DPH6: variants seen among roughly 807,000 people sequenced by gnomAD.
DPH6 encodes the protein diphthine--ammonia ligase.
In DPH6, 33 loss-of-function variants were observed where a neutral mutation model predicts 38.2. The observed-to-expected ratio is 0.86, with a 90% confidence interval of 0.65 to 1.15. The LOEUF (loss-of-function observed/expected upper bound fraction) is 1.15, where lower values mean the gene tolerates loss of function less well. DPH6 is among the 50% of genes most tolerant of loss of function. The pLI is 0.00. For missense variants in DPH6, 325 were observed against 320.0 expected (o/e 1.02, Z -0.12); for synonymous variants, 108 against 103.0 (o/e 1.05, Z -0.30).
intron 3 of DPH6, among the ~76,000 whole-genome samples, chr15:35,497,429 T>C (rs893573663): frequency 1.3e-5 from 2 of 152,212 alleles, no homozygotes; most frequent in Admixed American, 1.3e-4. Flanking sequence ...ACAGCAGAGT[T>C]AGAATTGGCT....
At chr15:35,516,828 G>A (rs2054854027) in intron 3 of DPH6, among the ~76,000 whole-genome samples, 1 of 152,050 alleles carries the variant, frequency 6.6e-6, no homozygotes, top group African/African-American at 2.4e-5. Context: ...TATACTCCTA[G>A]GAGGTGTCTG....
intron 3 of DPH6, among the ~76,000 whole-genome samples, chr15:35,304,922 C>T (rs962271115): frequency 2.6e-5 from 4 of 152,020 alleles, no homozygotes; most frequent in African/African-American, 7.2e-5. Context: ...TGTAATTCTG[C>T]TTATTTTATG....
chr15:35,169,623 A>G, the DPH6 span: 2 of 152,152 alleles, frequency 1.3e-5, no homozygotes, highest in Admixed American at 6.6e-5. Context: ...ACGATCCTCT[A>G]CCTTACTATC....
chr15:35,195,015 TTCTA>T, the DPH6 span, among the ~76,000 whole-genome samples: 19 of 152,334 alleles, frequency 1.2e-4, no homozygotes, highest in African/African-American at 3.4e-4. Flanking sequence ...CCAGGTTTCA[TTCTA>T]TCTAAGTGTT....
At chr15:35,237,086 C>T in intron 3 of DPH6, 1 of 527,526 alleles carries the variant, frequency 1.9e-6, no homozygotes, top group Non-Finnish European at 3.4e-6. Context: ...CATTGTTTTG[C>T]TTAGGTATTG....
At chr15:35,355,599 T>C (rs548770487) in intron 3 of DPH6, among the ~76,000 whole-genome samples, 52 of 152,362 alleles carry the variant, frequency 3.4e-4, no homozygotes, top group African/African-American at 1.3e-3. Flanking sequence ...TCTTTAAGAA[T>C]GTTGAATATT....
At chr15:35,233,137 G>A (rs544665542) in intron 3 of DPH6, among the ~76,000 whole-genome samples, 2 of 152,106 alleles carry the variant, frequency 1.3e-5, no homozygotes, top group East Asian at 1.9e-4. Context: ...GTGAAACCCC[G>A]TCTCTACTAA....
At chr15:35,364,632 C>T (rs2052641684) in intron 3 of DPH6, among the ~76,000 whole-genome samples, 1 of 152,014 alleles carries the variant, frequency 6.6e-6, no homozygotes, top group African/African-American at 2.4e-5. Context: ...CTACTGTCTT[C>T]AATATTTCCA....
At chr15:35,178,229 T>C in the DPH6 span, among the ~76,000 whole-genome samples, 1 of 152,234 alleles carries the variant, frequency 6.6e-6, no homozygotes, top group East Asian at 1.9e-4. Context: ...GGGTTTCATA[T>C]ACTGTATTAG....
At position 35,436,509 on chromosome 15, in the gene DPH6, C is replaced by CAAAAAA. The variant is rs1491101707; in HGVS notation, c.505+14175_505+14176insTTTTTT. 1.1e-4 allele frequency among the ~76,000 whole-genome samples: 12 copies of CAAAAAA among 107,566 alleles called. 1 individual carries two copies. Among genetic ancestry groups the CAAAAAA allele is most frequent in the South Asian group, 3.3e-4 (1 of 2,996 alleles). 70.6% of individuals were successfully genotyped at this position (107,566 alleles called of 152,430 possible). On this transcript the variant is annotated intron_variant, in intron 5 of 8. Transcript: ENST00000256538. The stretch of plus-strand genomic sequence containing the variant: ...CAAAACAAAACAAAACAAAACAAAA[C>CAAAAAA]AAAACAAAAAAGGTTCTCTCCCTGT...
intron 3 of DPH6, among the ~76,000 whole-genome samples, chr15:35,291,489 C>T (rs981298082): frequency 2.6e-5 from 4 of 152,250 alleles, no homozygotes; most frequent in East Asian, 3.9e-4. Flanking sequence ...CAAAACTCCA[C>T]AGCATCACAC....
chr15:35,481,973 A>T (rs1171291120), intron 3 of DPH6, among the ~76,000 whole-genome samples: 1 of 152,334 alleles, frequency 6.6e-6, no homozygotes, highest in East Asian at 1.9e-4. Flanking sequence ...AACTGACCAA[A>T]GGTATAAACC....
chr15:35,341,666 T>C (rs548385297), intron 3 of DPH6, among the ~76,000 whole-genome samples: 65 of 152,334 alleles, frequency 4.3e-4, no homozygotes, highest in Middle Eastern at 3.4e-3. Flanking sequence ...TCTAGTTGCC[T>C]CATTTTTCTT....
chr15:35,264,256 T>C (rs989539497), intron 3 of DPH6, among the ~76,000 whole-genome samples: 1 of 152,204 alleles, frequency 6.6e-6, no homozygotes, highest in Non-Finnish European at 1.5e-5. Context: ...TTTAGTACTA[T>C]CTGCTTATTA....
At chr15:35,368,826 T>C (rs1245502054), downstream of DPH6, among the ~76,000 whole-genome samples, 1 of 151,796 alleles carries the variant, frequency 6.6e-6, no homozygotes, top group Non-Finnish European at 1.5e-5. Flanking sequence ...TTGGTAGCCA[T>C]GTGCAGCAGC....
In DPH6 at chr15:35,477,452, G is replaced by GT. The variant is rs544109370; in HGVS notation, c.313-22633dup. Reference sequence around the variant, plus strand: ...ACATAGGTACTGCAAAGGCTGCATGGTATCAGTGTACTCCATCAACACAGC... The same window carrying GT: ...ACATAGGTACTGCAAAGGCTGCATGGTTATCAGTGTACTCCATCAACACAGC... On this transcript the variant is annotated intron_variant, in intron 3 of 8. Coordinates refer to ENST00000256538, the MANE Select transcript of DPH6 (RefSeq NM_080650.4). Among the ~76,000 whole-genome samples the GT allele has an allele frequency of 1.9e-4, 29 of 151,872 alleles. 1 individual carries two copies. The South Asian group carries it at 4.6e-3, about 24-fold the overall frequency.
chr15:35,514,574 G>T (rs903427192), intron 3 of DPH6, among the ~76,000 whole-genome samples: 1 of 152,108 alleles, frequency 6.6e-6, no homozygotes, highest in African/African-American at 2.4e-5. Context: ...TTGGAAGTTT[G>T]ATTTAATTTT....
intron 3 of DPH6, among the ~76,000 whole-genome samples, chr15:35,306,962 G>C (rs1246369052): frequency 2.0e-5 from 3 of 152,162 alleles, no homozygotes; most frequent in Admixed American, 1.3e-4. Context: ...TGGCCGAGAG[G>C]AAAGAGAGCA....
At chr15:35,367,506 G>A (rs1276559280), downstream of DPH6, among the ~76,000 whole-genome samples, 2 of 151,732 alleles carry the variant, frequency 1.3e-5, no homozygotes, top group African/African-American at 2.4e-5. Context: ...TCTCAAGCCT[G>A]TCACTGCAGT....
Sources: gnomAD v4.1 joint callset for allele counts (sites outside exome capture counted in the v4.1 genomes callset) on GRCh38, gnomAD v4.1.1 for gene constraint, MANE v1.5 for transcripts, NCBI Gene and HGNC (gene_info 2026-07-23, HGNC 2026-07-21) for gene names.